Variants in GPR35 observed in about 807,000 individuals in gnomAD.
The protein encoded by GPR35 is KYNA receptor.
For synonymous variants in GPR35, 207 were observed against 198.4 expected, an observed-to-expected ratio of 1.04 and a Z score of -0.36; for missense variants, 372 against 422.5, an observed-to-expected ratio of 0.88 and a Z score of 1.05.
chr2:240,624,009 TG>T (rs34527420), upstream of GPR35, among the ~76,000 whole-genome samples: 334 of 93,556 alleles, frequency 3.6e-3, 2 homozygotes, highest in African/African-American at 0.014. Context: ...GGCCTGGTGG[TG>T]GGGGGGGTGG....
chr2:240,625,265 G>A (rs377136526), upstream of GPR35: 12 of 985,442 alleles, frequency 1.2e-5, no homozygotes, highest in African/African-American at 1.0e-4. Flanking sequence ...TGTGCCCTCA[G>A]CAAGGATGCT....
chr2:240,624,699 C>T (rs1383341010), upstream of GPR35, among the ~76,000 whole-genome samples: 1 of 152,316 alleles, frequency 6.6e-6, no homozygotes, highest in Admixed American at 6.5e-5. Flanking sequence ...AGACGAGGCT[C>T]CTGCCCTCAG....
At chr2:240,624,226 T>TGGGAGTTGAGATCGGGC (rs11275380), upstream of GPR35, among the ~76,000 whole-genome samples, 72,053 of 151,892 alleles carry the variant, frequency 0.47, 19,080 homozygotes, top group South Asian at 0.78. Context: ...GAGTGAGGGA[T>TGGGAGTTGAGATCGGGC]GGATGAAATC....
chr2:240,606,076 C>T (rs62187252), intron 1 of GPR35, among the ~76,000 whole-genome samples: 9,350 of 152,282 alleles, frequency 0.061, 383 homozygotes, highest in Non-Finnish European at 0.091. Context: ...CCCCCCAAAC[C>T]CGGCCATTCC....
chr2:240,611,866 A>G (rs761705262), intron 2 of GPR35, among the ~76,000 whole-genome samples: 6 of 152,188 alleles, frequency 3.9e-5, no homozygotes, highest in Non-Finnish European at 7.3e-5. Context: ...GTGGATGCAG[A>G]ACGTGCGATG....
In GPR35 at chr2:240,618,941, AG is replaced by A. The variant is rs1254313537; in HGVS notation, c.-94del. 1.9e-5 allele frequency: 13 copies of A among 702,176 alleles called. No homozygotes were observed. The African/African-American group carries it at 2.1e-4, about 11-fold the overall frequency. The allele number at this position is 702,176 out of a possible 1,614,324, so 43.5% of individuals were successfully genotyped here. ...TTCATTCAACCTGGGCCCTTGGGAG[AG>A]ATGCTGAGTGGTTCCCGGGCTGTCC... is the stretch of plus-strand genomic sequence containing the variant. On this transcript the variant is annotated 5_prime_UTR_variant, in exon 5 of 6. Coordinates refer to the GPR35 transcript ENST00000319838.
upstream of GPR35, chr2:240,625,345 A>C: frequency 1.0e-6 from 1 of 985,406 alleles, no homozygotes; most frequent in South Asian, 4.7e-5. Context: ...CACGCCCTCT[A>C]GCTGGGGCTG....
Position 240,632,607 on chromosome 2 carries a change from C to A in GPR35, c.*1725C>A, listed in dbSNP as rs2043461846. Among the ~76,000 whole-genome samples, 1 of 149,742 alleles carries A rather than the reference C, an allele frequency of 6.7e-6. No homozygotes were observed. The highest frequency in any genetic ancestry group is 2.5e-5 in the African/African-American group (1 of 40,444). On this transcript the variant is annotated 3_prime_UTR_variant, in exon 2 of 2. Coordinates refer to ENST00000407714, the MANE Select transcript of GPR35 (RefSeq NM_005301.5). ...AGGTCCATGCCTAGGAGGGCCCATACACAACAGAGCCCTGTGCCCAGGAAG... is the reference window on the plus strand; with the variant it reads ...AGGTCCATGCCTAGGAGGGCCCATAAACAACAGAGCCCTGTGCCCAGGAAG...
At chr2:240,615,179 C>T (rs1320312454) in intron 2 of GPR35, among the ~76,000 whole-genome samples, 1 of 152,132 alleles carries the variant, frequency 6.6e-6, no homozygotes, top group African/African-American at 2.4e-5. Flanking sequence ...ATTGCACCAC[C>T]ACCCAGGCCC....
In GPR35 at chr2:240,630,404, G is replaced by A. The variant is rs553719886; in HGVS notation, c.452G>A (p.Arg151His). The stretch of plus-strand genomic sequence containing the variant: ...CTGGTCATCGGCTCCCTGGTGGCTC[G>A]CTGGCTCCTGGGGATTCAGGAGGGC... Reference protein sequence around the residue: ...WVLVIGSLVARWLLGIQEGGF... With the variant: ...WVLVIGSLVAHWLLGIQEGGF... Residue 151 changes from arginine (R) to histidine (H), a missense_variant, in exon 2 of 2, where the codon CGC (arginine) becomes CAC (histidine). Coordinates refer to ENST00000407714, the MANE Select transcript of GPR35 (RefSeq NM_005301.5). 29 of 1,611,618 alleles carry A rather than the reference G, an allele frequency of 1.8e-5. No homozygotes were observed. The highest frequency in any genetic ancestry group is 4.4e-5 in the South Asian group (4 of 91,084).
rs199596106 is a variant in GPR35 at position 240,630,307 on chromosome 2, C to T, written c.355C>T (p.Arg119Trp). Reference sequence around the variant, plus strand: ...CGCCGTGGACCGCTATGTGGCCGTGCGGCACCCGCTGCGTGCCCGCGGGCT... The same window carrying T: ...CGCCGTGGACCGCTATGTGGCCGTGTGGCACCCGCTGCGTGCCCGCGGGCT... ...AIAVDRYVAV[R>W]HPLRARGLRS... The change falls in exon 2 of 2, where the codon CGG (arginine) becomes TGG (tryptophan). Residue 119 changes from arginine to tryptophan, a missense_variant. Arg to Trp is a moderately radical substitution (Grantham distance 101). Coordinates refer to ENST00000407714, the MANE Select transcript of GPR35 (RefSeq NM_005301.5). 63 of 1,580,430 alleles carry T rather than the reference C, an allele frequency of 4.0e-5. No individual in the cohort carries two copies. Among genetic ancestry groups the T allele is most frequent in the Non-Finnish European group, 4.7e-5 (55 of 1,168,562 alleles).
chr2:240,616,071 C>T lies in GPR35; in HGVS notation c.-576-317C>T, dbSNP rs565705663. 2.0e-5 allele frequency among the ~76,000 whole-genome samples: 3 copies of T among 151,810 alleles called. No individual in the cohort carries two copies. The South Asian group carries it at 6.2e-4, about 31-fold the overall frequency. Reference sequence around the variant, plus strand: ...CACCCTTAGCCTCCTCCACGGTTCCCCAGGCCAGATCCTTTTGTTTGAGCC... The same window carrying T: ...CACCCTTAGCCTCCTCCACGGTTCCTCAGGCCAGATCCTTTTGTTTGAGCC... On this transcript the variant is annotated intron_variant, in intron 2 of 5. Transcript: ENST00000319838.
intron 2 of GPR35, among the ~76,000 whole-genome samples, chr2:240,609,361 C>T (rs1318370904): frequency 6.6e-6 from 1 of 152,168 alleles, no homozygotes; most frequent in Non-Finnish European, 1.5e-5. Context: ...ACAGATTTTC[C>T]TCTAAGCATC....
intron 3 of GPR35, chr2:240,616,934 C>T (rs1389771933): frequency 1.3e-6 from 1 of 771,402 alleles, no homozygotes; most frequent in South Asian, 1.4e-5. Flanking sequence ...GATTTGGGGT[C>T]CTCAGGCCAG....
At chr2:240,623,599 G>T (rs1458443729), upstream of GPR35, among the ~76,000 whole-genome samples, 1 of 151,972 alleles carries the variant, frequency 6.6e-6, no homozygotes, top group Non-Finnish European at 1.5e-5. Flanking sequence ...CCCGGGCAAG[G>T]CCTGCCTGAG....
chr2:240,632,317 G>A lies in GPR35; in HGVS notation c.*1435G>A, dbSNP rs1197641091. 1.3e-5 allele frequency among the ~76,000 whole-genome samples: 2 copies of A among 150,606 alleles called. No individual in the cohort carries two copies. Among genetic ancestry groups the A allele is most frequent in the Non-Finnish European group, 3.0e-5 (2 of 67,600 alleles). ...GAGAGTCACGTGCACAGAGGGCCCTGTGCTCAGGAGGATACATGTCCAGGA... is the reference window on the plus strand; with the variant it reads ...GAGAGTCACGTGCACAGAGGGCCCTATGCTCAGGAGGATACATGTCCAGGA... On this transcript the variant is annotated 3_prime_UTR_variant, in exon 2 of 2. Coordinates refer to ENST00000407714, the MANE Select transcript of GPR35 (RefSeq NM_005301.5).
chr2:240,625,038 T>C (rs1279274772), upstream of GPR35, among the ~76,000 whole-genome samples: 1 of 152,056 alleles, frequency 6.6e-6, no homozygotes, highest in Admixed American at 6.5e-5. Context: ...CGTGTCTGCA[T>C]GAACCAGGAT....
At position 240,630,495 on chromosome 2, in the gene GPR35, C is replaced by T. The variant is rs991131243; in HGVS notation, c.543C>T (p.Tyr181=). The stretch of plus-strand genomic sequence containing the variant: ...TGGCGTTCCCGCTGCTGGGATTCTA[C>T]CTGCCCCTGGCCGTGGTGGTCTTCT... ...NSMAFPLLGF[Y]LPLAVVVFCS... The change falls in exon 2 of 2, where the codon TAC becomes TAT. Residue 181 remains tyrosine (Y), a synonymous_variant. Transcript: ENST00000407714. 1.2e-6 allele frequency: 2 copies of T among 1,612,852 alleles called. No homozygotes were observed. Among genetic ancestry groups the T allele is most frequent in the African/African-American group, 2.7e-5 (2 of 74,934 alleles).
Position 240,630,681 on chromosome 2 carries a change from G to A in GPR35, c.729G>A (p.Val243=), listed in dbSNP as rs1183364458. The A allele has an allele frequency of 1.2e-6, 2 of 1,613,348 alleles. No individual in the cohort carries two copies. Among genetic ancestry groups the A allele is most frequent in the Admixed American group, 1.7e-5 (1 of 60,038 alleles). Residue 243 remains valine (V), a synonymous_variant, in exon 2 of 2, where the codon GTG becomes GTA. Transcript: ENST00000407714. The part of the protein sequence containing the change: ...LHVGLTVRLA[V]GWNACALLET... ...TGGGGCTGACAGTGCGCCTCGCAGT[G>A]GGCTGGAACGCCTGTGCCCTCCTGG...
Sources: allele counts gnomAD v4.1 joint callset (sites outside exome capture counted in the v4.1 genomes callset), GRCh38; gene constraint gnomAD v4.1.1; transcripts MANE v1.5; gene names NCBI Gene and HGNC (gene_info 2026-07-23, HGNC 2026-07-21).